The following RIN3 variants were observed in gnomAD, a reference collection of about 807,000 sequenced individuals.
The protein encoded by RIN3 is Ras and Rab interactor 3.
RIN3 carries 54 observed loss-of-function variants against 76.3 expected under a neutral mutation model. The observed-to-expected ratio is 0.71, with a 90% CI of 0.57 to 0.89. RIN3 has a LOEUF of 0.89. RIN3 is among the 40% of genes least tolerant of loss of function. The pLI, the probability that RIN3 is intolerant of heterozygous loss-of-function variation, is 0.00. For synonymous variants in RIN3, 576 were observed against 564.0 expected (o/e 1.02, Z -0.30); for missense variants, 1,256 against 1,322.1 (o/e 0.95, Z 0.78).
Position 92,688,240 on chromosome 14 carries a change from C to A in RIN3, c.2946C>A (p.Pro982=). 6.3e-7 allele frequency: 1 copy of A among 1,589,766 alleles called. No individual in the cohort carries two copies. Among genetic ancestry groups the A allele is most frequent in the African/African-American group, 1.3e-5 (1 of 74,660 alleles). ...GSPPCLVVRE[P]NFL ...CGCCCTGCCTGGTGGTGCGGGAGCC[C>A]AACTTCCTGTGAGGCCCTCCCGGGG... The change falls in exon 10 of 10, where the codon CCC becomes CCA. Residue 982 remains proline (P), a synonymous_variant. Transcript: ENST00000216487.
At chr14:92,595,551 A>G (rs1885123257) in intron 3 of RIN3, among the ~76,000 whole-genome samples, 1 of 152,130 alleles carries the variant, frequency 6.6e-6, no homozygotes, top group Admixed American at 6.5e-5. Context: ...TTGCTCTGGG[A>G]GTTCCTAGGC....
rs1371395899 is a variant in RIN3, at chr14:92,555,918, C to T, written c.212C>T (p.Ala71Val). Residue 71 changes from alanine to valine, a missense_variant, in exon 2 of 10, where the codon GCA becomes GTA. Ala to Val is a moderately conservative substitution (Grantham distance 64, BLOSUM62 0). Around this residue, in one of 3 missense-constraint regions of RIN3, gnomAD observed 610 missense variants for 626.4 expected, o/e 0.97. Transcript: ENST00000216487. The part of the protein sequence containing the change: ...PVWLQLSLGQ[A>V]EVARILHRVV... ...TGGCTGCAGCTGAGTCTGGGCCAGGCAGAGGTGGCCAGGATCCTGCACCGG... is the reference window on the plus strand; with the variant it reads ...TGGCTGCAGCTGAGTCTGGGCCAGGTAGAGGTGGCCAGGATCCTGCACCGG... The T allele has an allele frequency of 1.1e-5, 18 of 1,613,306 alleles. No individual in the cohort carries two copies. The highest frequency in any genetic ancestry group is 1.5e-5 in the Non-Finnish European group (18 of 1,180,014).
At chr14:92,558,495 A>G (rs1242002707) in intron 2 of RIN3, among the ~76,000 whole-genome samples, 1 of 152,232 alleles carries the variant, frequency 6.6e-6, no homozygotes, top group Non-Finnish European at 1.5e-5. Flanking sequence ...CATTATACCC[A>G]TTTCACAGAT....
intron 8 of RIN3, 151 bp from the exon 9 acceptor site, chr14:92,684,836 T>G: frequency 1.2e-6 from 1 of 828,348 alleles, no homozygotes; most frequent in Non-Finnish European, 2.0e-6. Flanking sequence ...GGCGTGGGGT[T>G]GAGCTCAGCT....
Position 92,513,829 on chromosome 14 carries a change from T to G in RIN3, c.-104T>G. 5.4e-6 allele frequency: 4 copies of G among 739,558 alleles called. No homozygotes were observed. The highest frequency in any genetic ancestry group is 1.8e-6 in the Non-Finnish European group (1 of 549,038). The allele number at this position is 739,558 out of a possible 1,614,324, so 45.8% of individuals were successfully genotyped here. Reference sequence around the variant, plus strand: ...CGCGGCGGCAGCGGCGGCCTGGCCCTTCCAGAGGGCCAGAGCCAGGGACAT... The same window carrying G: ...CGCGGCGGCAGCGGCGGCCTGGCCCGTCCAGAGGGCCAGAGCCAGGGACAT... On this transcript the variant is annotated 5_prime_UTR_variant, in exon 1 of 10. Coordinates refer to ENST00000216487, the MANE Select transcript of RIN3 (RefSeq NM_024832.5).
At chr14:92,544,820 C>G (rs1488276268) in intron 1 of RIN3, among the ~76,000 whole-genome samples, 1 of 152,056 alleles carries the variant, frequency 6.6e-6, no homozygotes, top group African/African-American at 2.4e-5. Flanking sequence ...GCCATGTTTG[C>G]TTCAGATCTT....
At chr14:92,537,833 T>TTTA (rs1287091065) in intron 1 of RIN3, among the ~76,000 whole-genome samples, 7 of 78,340 alleles carry the variant, frequency 8.9e-5, no homozygotes, top group African/African-American at 4.4e-4. Context: ...ATTTATTTTA[T>TTTA]TTTATTTATT....
chr14:92,529,409 C>T (rs891777042), intron 1 of RIN3, among the ~76,000 whole-genome samples: 4 of 151,860 alleles, frequency 2.6e-5, no homozygotes, highest in Non-Finnish European at 4.4e-5. Context: ...CCACCACGCC[C>T]GGCTAATTTT....
chr14:92,577,437 G>T lies in RIN3; in HGVS notation c.327G>T (p.Ser109=). 2 of 1,613,672 alleles carry T rather than the reference G, an allele frequency of 1.2e-6. No individual in the cohort carries two copies. The highest frequency in any genetic ancestry group is 1.1e-5 in the South Asian group (1 of 91,040). ...CVHFPSLNES[S]AEVLEYTIKE... ...ACTTTCCTTCTCTGAACGAAAGCTC[G>T]GCCGAGGTGCTCGAATACACCATTA... Residue 109 remains serine, a synonymous_variant, in exon 3 of 10, where the codon TCG becomes TCT. Transcript: ENST00000216487.
intron 3 of RIN3, among the ~76,000 whole-genome samples, chr14:92,608,530 T>C (rs951304773): frequency 1.4e-5 from 2 of 141,742 alleles, no homozygotes; most frequent in Non-Finnish European, 3.1e-5. Flanking sequence ...TTTCTCTCTC[T>C]CTTTTTTAGC....
chr14:92,599,233 C>T (rs1225633267), intron 3 of RIN3, among the ~76,000 whole-genome samples: 2 of 143,906 alleles, frequency 1.4e-5, no homozygotes, highest in Admixed American at 7.1e-5. Context: ...TAAACAGAAG[C>T]CCCCCGCCCT....
chr14:92,578,343 C>T (rs1373337133), intron 3 of RIN3, among the ~76,000 whole-genome samples: 2 of 152,152 alleles, frequency 1.3e-5, no homozygotes, highest in African/African-American at 4.8e-5. Flanking sequence ...TTGGGGACCC[C>T]CTCTCTAGGG....
At chr14:92,564,832 G>A (rs528599365) in intron 2 of RIN3, among the ~76,000 whole-genome samples, 5 of 152,338 alleles carry the variant, frequency 3.3e-5, no homozygotes, top group South Asian at 4.1e-4. Flanking sequence ...ACACGCGCGC[G>A]CGCAGGAACA....
At position 92,652,500 on chromosome 14, in the gene RIN3, G is replaced by C; in HGVS notation, c.1451G>C (p.Cys484Ser). The change falls in exon 6 of 10, where the codon TGC becomes TCC. Residue 484 changes from cysteine (C) to serine (S), a missense_variant. This residue lies in a region of RIN3 where 428 missense variants were observed against 521.2 expected (regional missense o/e 0.82). Coordinates refer to ENST00000216487, the MANE Select transcript of RIN3 (RefSeq NM_024832.5). This position sits in a 1 kb window ranked among gnomAD's most constrained non-coding sequence, Gnocchi z 6.4. ...GCTCCCTTAGAGAACGCTGAGCTCTGCACACAGGCGATGGCCTTGGAGACA... is the reference window on the plus strand; with the variant it reads ...GCTCCCTTAGAGAACGCTGAGCTCTCCACACAGGCGATGGCCTTGGAGACA... ...LPAPLENAEL[C>S]TQAMALETPT... 1 of 1,613,976 alleles carries C rather than the reference G, an allele frequency of 6.2e-7. No individual in the cohort carries two copies. The highest frequency in any genetic ancestry group is 1.1e-5 in the South Asian group (1 of 91,080).
chr14:92,651,954 C>T lies in RIN3; in HGVS notation c.905C>T (p.Ala302Val), dbSNP rs1239276567. Residue 302 changes from alanine (A) to valine (V), a missense_variant, in exon 6 of 10, where the codon GCT (alanine) becomes GTT (valine). By Grantham distance (64) the Ala-to-Val change is moderately conservative (BLOSUM62 0). Around this residue, in one of 3 missense-constraint regions of RIN3, gnomAD observed 610 missense variants for 626.4 expected, o/e 0.97. Transcript: ENST00000216487. ...CCAGCCCAGCCCCCTGTGCTCCCTG[C>T]TCTTGCCCCCGCCCCTGCCTGTCCT... ...CSPAQPPVLP[A>V]LAPAPACPLP... 2 of 1,514,064 alleles carry T rather than the reference C, an allele frequency of 1.3e-6. No homozygotes were observed. Among genetic ancestry groups the T allele is most frequent in the Non-Finnish European group, 1.8e-6 (2 of 1,121,878 alleles). The allele number at this position is 1,514,064 out of a possible 1,614,324, so 93.8% of individuals were successfully genotyped here. A position where few individuals can be genotyped will look rare whatever the true frequency, so the allele number is the denominator to read the frequency against.
chr14:92,592,642 GTATTATTATTATTATTAT>G (rs143659950), intron 3 of RIN3, among the ~76,000 whole-genome samples: 5,308 of 134,614 alleles, frequency 0.039, 178 homozygotes, highest in Admixed American at 0.098. Flanking sequence ...TTTAAATTTT[GTATTATTATTATTATTAT>G]TATTATTATT....
At chr14:92,593,786 G>T (rs1250199052) in intron 3 of RIN3, among the ~76,000 whole-genome samples, 3 of 152,200 alleles carry the variant, frequency 2.0e-5, no homozygotes, top group African/African-American at 4.8e-5. Flanking sequence ...GCATTAAAAT[G>T]GAGCAGTACT....
Position 92,659,357 on chromosome 14 carries a change from G to T in RIN3, c.2223G>T (p.Lys741Asn). ...TGCCGGAGGTGCCCATGATGGAGAA[G>T]ATCCTGCAGAAGTTCACCAGCATGC... ...TSVPEVPMME[K>N]ILQKFTSMHK... Residue 741 changes from lysine (K) to asparagine (N), a missense_variant, in exon 7 of 10, where the codon AAG (lysine) becomes AAT (asparagine). By Grantham distance (94) the Lys-to-Asn change is moderately conservative. This residue lies in a region of RIN3 where 428 missense variants were observed against 521.2 expected (regional missense o/e 0.82). Coordinates refer to ENST00000216487, the MANE Select transcript of RIN3 (RefSeq NM_024832.5). 1 of 1,612,746 alleles carries T rather than the reference G, an allele frequency of 6.2e-7. No individual in the cohort carries two copies. The highest frequency in any genetic ancestry group is 8.5e-7 in the Non-Finnish European group (1 of 1,179,210).
rs1400455855 is a variant in RIN3 at position 92,653,673 on chromosome 14, T to C, written c.2026+598T>C. Among the ~76,000 whole-genome samples, 3 of 152,312 alleles carry C rather than the reference T, an allele frequency of 2.0e-5. No homozygotes were observed. In the East Asian group the frequency reaches 5.8e-4, roughly 29 times the overall value. The stretch of plus-strand genomic sequence containing the variant: ...CCAATAATTATCAAAGCTTTTCCGA[T>C]TGTGGTTCACGGTGAAAAGTACTTG... On this transcript the variant is annotated intron_variant, in intron 6 of 9. Coordinates refer to ENST00000216487, the MANE Select transcript of RIN3 (RefSeq NM_024832.5).
Sources: gnomAD v4.1 joint callset for allele counts (sites outside exome capture counted in the v4.1 genomes callset) on GRCh38, gnomAD v4.1.1 for gene constraint, gnomAD v4.1.1 regional missense constraint, Gnocchi (gnomAD v3.1) non-coding constraint, MANE v1.5 for transcripts, NCBI Gene and HGNC (gene_info 2026-07-23, HGNC 2026-07-21) for gene names.